The following PLA2G5 variants were observed in gnomAD, a reference collection of about 807,000 sequenced individuals.
The protein encoded by PLA2G5 is Ca2+-dependent phospholipase A2.
A neutral mutation model predicts 15.9 loss-of-function variants in PLA2G5; 12 were observed. The observed-to-expected ratio is 0.76, with a 90% CI of 0.48 to 1.23. The LOEUF is 1.23. Among genes scored for constraint, PLA2G5 ranks in the 50% most tolerant of loss-of-function variants. The probability of loss-of-function intolerance (pLI) is 0.00; values close to 1 mark genes in which losing one functional copy is unlikely to be tolerated. For missense variants in PLA2G5, 169 were observed against 177.1 expected (o/e 0.95, Z 0.26); for synonymous variants, 71 against 71.4 (o/e 0.99, Z 0.03).
intron 1 of PLA2G5, among the ~76,000 whole-genome samples, chr1:20,074,814 A>T (rs1478176963): frequency 1.3e-5 from 2 of 152,238 alleles, no homozygotes; most frequent in African/African-American, 4.8e-5. Flanking sequence ...ATCTGGAGCC[A>T]CATGGGACAG....
intron 1 of PLA2G5, among the ~76,000 whole-genome samples, chr1:20,053,576 G>GA (rs1209321192): frequency 7.0e-6 from 1 of 142,818 alleles, no homozygotes; most frequent in Admixed American, 7.0e-5. Flanking sequence ...TTTGCGGGGG[G>GA]GGGGGTGATA....
upstream of PLA2G5, among the ~76,000 whole-genome samples, chr1:20,067,835 G>A (rs2015121639): frequency 6.6e-6 from 1 of 151,128 alleles, no homozygotes. Flanking sequence ...AATCAGAGGG[G>A]AGGCCGGGCG....
At chr1:20,055,261 G>A (rs1011211899) in intron 1 of PLA2G5, among the ~76,000 whole-genome samples, 4 of 152,172 alleles carry the variant, frequency 2.6e-5, no homozygotes, top group African/African-American at 9.7e-5. Context: ...GTTAATCTGG[G>A]AACTATGTCT....
intron 2 of PLA2G5, among the ~76,000 whole-genome samples, chr1:20,065,164 A>G (rs2014954592): frequency 6.6e-6 from 1 of 152,262 alleles, no homozygotes; most frequent in South Asian, 2.1e-4. Flanking sequence ...AGAATTGTAT[A>G]GAGTTCCCAT....
chr1:20,035,636 G>A (rs1177560192), intron 1 of PLA2G5, among the ~76,000 whole-genome samples: 1 of 152,146 alleles, frequency 6.6e-6, no homozygotes, highest in Non-Finnish European at 1.5e-5. Flanking sequence ...GTTTCTTGAA[G>A]ACAGCAGATA....
At chr1:20,052,800 C>A (rs2014241332) in intron 1 of PLA2G5, among the ~76,000 whole-genome samples, 1 of 152,150 alleles carries the variant, frequency 6.6e-6, no homozygotes, top group African/African-American at 2.4e-5. Context: ...CTGCTCAGGG[C>A]AAATTTGCCT....
intron 1 of PLA2G5, among the ~76,000 whole-genome samples, chr1:20,032,031 A>G (rs1218607319): frequency 6.6e-6 from 1 of 152,164 alleles, no homozygotes; most frequent in Non-Finnish European, 1.5e-5. Flanking sequence ...ATGAGTTTAA[A>G]TAGGCTTAGG....
intron 1 of PLA2G5, among the ~76,000 whole-genome samples, chr1:20,074,581 T>C (rs2015569172): frequency 6.6e-6 from 1 of 152,188 alleles, no homozygotes; most frequent in African/African-American, 2.4e-5. Flanking sequence ...TCCTGAGAAG[T>C]CGAGCGGGGG....
chr1:20,035,782 C>T (rs922009391), intron 1 of PLA2G5, among the ~76,000 whole-genome samples: 1 of 152,000 alleles, frequency 6.6e-6, no homozygotes, highest in Admixed American at 6.6e-5. Flanking sequence ...GCCTGAACAC[C>T]TTGTTTTTAT....
intron 1 of PLA2G5, among the ~76,000 whole-genome samples, chr1:20,033,298 T>A (rs1398454937): frequency 2.0e-5 from 3 of 152,072 alleles, no homozygotes; most frequent in Non-Finnish European, 4.4e-5. Context: ...TTGCAAAATG[T>A]GTTGGAAGTG....
intron 1 of PLA2G5, among the ~76,000 whole-genome samples, chr1:20,057,793 C>T (rs568328494): frequency 6.6e-6 from 1 of 152,306 alleles, no homozygotes; most frequent in South Asian, 2.1e-4. Flanking sequence ...GCCACCGCAC[C>T]CTACTGCATC....
intron 1 of PLA2G5, among the ~76,000 whole-genome samples, chr1:20,040,430 T>C (rs2100331828): frequency 6.6e-6 from 1 of 152,306 alleles, no homozygotes; most frequent in South Asian, 2.1e-4. Flanking sequence ...TCTTCTGTCT[T>C]TCAAAGCCCT....
At chr1:20,065,383 A>G (rs1258664817), upstream of PLA2G5, among the ~76,000 whole-genome samples, 1 of 152,178 alleles carries the variant, frequency 6.6e-6, no homozygotes, top group African/African-American at 2.4e-5. Context: ...CCTACAGAAC[A>G]GTTTCACTGC....
chr1:20,070,359 C>T lies in PLA2G5; in HGVS notation c.-117C>T, dbSNP rs1454254059. ...TCCATGGTCTGTGGATACCAATGTT[C>T]CGACTGGAGACGGGGAGCCCGCGAG... On this transcript the variant is annotated 5_prime_UTR_variant, in exon 1 of 5. Coordinates refer to ENST00000375108, the MANE Select transcript of PLA2G5 (RefSeq NM_000929.3). 6.1e-6 allele frequency: 6 copies of T among 985,378 alleles called. No homozygotes were observed. Among genetic ancestry groups the T allele is most frequent in the Non-Finnish European group, 7.2e-6 (6 of 829,968 alleles). The allele number at this position is 985,378 out of a possible 1,614,324, so 61.0% of individuals were successfully genotyped here. A position where few individuals can be genotyped will look rare whatever the true frequency, so the allele number is the denominator to read the frequency against.
chr1:20,075,045 A>G (rs2015594846), intron 1 of PLA2G5, among the ~76,000 whole-genome samples: 1 of 152,070 alleles, frequency 6.6e-6, no homozygotes, highest in African/African-American at 2.4e-5. Context: ...TCCTGCCACC[A>G]CCGCCAAAGA....
chr1:20,049,063 G>C (rs1014803726), intron 1 of PLA2G5, among the ~76,000 whole-genome samples: 14 of 152,148 alleles, frequency 9.2e-5, no homozygotes, highest in Admixed American at 9.2e-4. Flanking sequence ...GGAAATAAGA[G>C]AGGTTTAAGG....
chr1:20,086,963 A>G (rs1310138661), intron 3 of PLA2G5, among the ~76,000 whole-genome samples: 2 of 152,236 alleles, frequency 1.3e-5, no homozygotes, highest in Non-Finnish European at 2.9e-5. Context: ...AGGGATGATT[A>G]AGCAAATGAA....
At chr1:20,067,714 A>T (rs2015114476), upstream of PLA2G5, among the ~76,000 whole-genome samples, 1 of 151,784 alleles carries the variant, frequency 6.6e-6, no homozygotes, top group Non-Finnish European at 1.5e-5. Flanking sequence ...TATAGTAATT[A>T]GGCAGAGTGA....
At chr1:20,066,517 A>T (rs928644617), upstream of PLA2G5, among the ~76,000 whole-genome samples, 3 of 152,354 alleles carry the variant, frequency 2.0e-5, no homozygotes, top group Non-Finnish European at 4.4e-5. Context: ...GGCAGACTCT[A>T]CAAATCAGGG....
Sources: gnomAD v4.1 joint callset for allele counts (sites outside exome capture counted in the v4.1 genomes callset) on GRCh38, gnomAD v4.1.1 for gene constraint, MANE v1.5 for transcripts, NCBI Gene and HGNC (gene_info 2026-07-23, HGNC 2026-07-21) for gene names.